SPAG16: variants seen among roughly 807,000 people sequenced by gnomAD.
SPAG16 encodes the protein sperm-associated antigen 16 protein.
In SPAG16, 86 loss-of-function variants were observed where a neutral mutation model predicts 80.4. The observed-to-expected ratio is 1.07, with a 90% CI of 0.90 to 1.28. SPAG16 has a LOEUF of 1.28. SPAG16 is among the 50% of genes most tolerant of loss of function. The pLI is 0.00. For synonymous variants in SPAG16, 294 were observed against 265.9 expected (o/e 1.11, Z -1.03); for missense variants, 870 against 765.3 (o/e 1.14, Z -1.61).
chr2:213,936,215 A>T (rs1306328895), intron 12 of SPAG16, among the ~76,000 whole-genome samples: 1 of 152,194 alleles, frequency 6.6e-6, no homozygotes, highest in Non-Finnish European at 1.5e-5. Context: ...ACTGCTAAGC[A>T]GCAAAGAGGC....
intron 15 of SPAG16, among the ~76,000 whole-genome samples, chr2:214,379,022 C>G (rs1700295149): frequency 6.6e-6 from 1 of 152,190 alleles, no homozygotes; most frequent in Admixed American, 6.5e-5. Context: ...CATCATACCA[C>G]CGTCTGGCTT....
intron 15 of SPAG16, among the ~76,000 whole-genome samples, chr2:214,314,553 C>A (rs6731110): frequency 0.16 from 24,002 of 152,002 alleles, 2,164 homozygotes; most frequent in African/African-American, 0.24. Flanking sequence ...ACTAGAGAAA[C>A]CTTAGGAAAG....
intron 10 of SPAG16, among the ~76,000 whole-genome samples, chr2:213,694,102 C>T (rs1008038353): frequency 6.6e-6 from 1 of 151,592 alleles, no homozygotes; most frequent in African/African-American, 2.4e-5. Flanking sequence ...GACATGGACT[C>T]TCATGTAGAT....
At chr2:213,417,942 C>T (rs1016844906) in intron 9 of SPAG16, among the ~76,000 whole-genome samples, 3 of 150,612 alleles carry the variant, frequency 2.0e-5, no homozygotes, top group African/African-American at 4.9e-5. Flanking sequence ...GGCACGATCT[C>T]GGCTCGCTGC....
rs565046438 is a variant in SPAG16, at chr2:214,194,709, T to C, written c.1720+45443T>C. ...ATTAATAAAATGGCAAAAAGGGATG[T>C]CAGATGCATATAGTAGATCACAAAA... On this transcript the variant is annotated intron_variant, in intron 15 of 15. Coordinates refer to ENST00000331683, the MANE Select transcript of SPAG16 (RefSeq NM_024532.5). Among the ~76,000 whole-genome samples the C allele has an allele frequency of 1.9e-3, 289 of 152,224 alleles. 1 individual carries two copies. Among genetic ancestry groups the C allele is most frequent in the Middle Eastern group, 3.4e-3 (1 of 294 alleles).
intron 8 of SPAG16, among the ~76,000 whole-genome samples, chr2:213,374,332 G>A (rs1011053389): frequency 4.0e-5 from 6 of 151,886 alleles, no homozygotes; most frequent in Non-Finnish European, 5.9e-5. Flanking sequence ...AATTTGTAAC[G>A]TTTAGTTGTT....
intron 7 of SPAG16, among the ~76,000 whole-genome samples, chr2:213,362,318 A>G (rs2066027323): frequency 6.6e-6 from 1 of 152,220 alleles, no homozygotes; most frequent in Non-Finnish European, 1.5e-5. Context: ...CATGTGAGAG[A>G]GTAGACAAAT....
At chr2:213,718,883 G>T (rs1046010839) in intron 10 of SPAG16, among the ~76,000 whole-genome samples, 1 of 152,180 alleles carries the variant, frequency 6.6e-6, no homozygotes, top group Non-Finnish European at 1.5e-5. Flanking sequence ...GCGAGCACAC[G>T]GCGCAGGACT....
chr2:213,836,111 T>A (rs1195985104), intron 10 of SPAG16, among the ~76,000 whole-genome samples: 1 of 151,940 alleles, frequency 6.6e-6, no homozygotes, highest in African/African-American at 2.4e-5. Context: ...CACAATCAAC[T>A]GGTAATACTA....
At chr2:213,548,511 C>T (rs1453599047) in intron 10 of SPAG16, among the ~76,000 whole-genome samples, 4 of 152,166 alleles carry the variant, frequency 2.6e-5, no homozygotes, top group Non-Finnish European at 5.9e-5. Flanking sequence ...GCGCCCGACC[C>T]TTACAGCATT....
intron 10 of SPAG16, among the ~76,000 whole-genome samples, chr2:213,552,398 A>C (rs893088955): frequency 6.6e-6 from 1 of 152,138 alleles, no homozygotes; most frequent in African/African-American, 2.4e-5. Flanking sequence ...AACTGCTAGA[A>C]TTCTATCACT....
chr2:213,973,323 G>A (rs758472257), intron 12 of SPAG16, among the ~76,000 whole-genome samples: 1 of 151,880 alleles, frequency 6.6e-6, no homozygotes, highest in Non-Finnish European at 1.5e-5. Flanking sequence ...TTTTACCTCA[G>A]TTGGCTGCAG....
chr2:213,584,444 G>T (rs2060396635), intron 10 of SPAG16, among the ~76,000 whole-genome samples: 1 of 151,962 alleles, frequency 6.6e-6, no homozygotes. Flanking sequence ...GGAAAGTATT[G>T]TTCTAATATA....
intron 9 of SPAG16, among the ~76,000 whole-genome samples, chr2:213,489,466 T>A (rs1483431807): frequency 6.6e-6 from 1 of 152,150 alleles, no homozygotes. Context: ...TAAGTGTTTT[T>A]AAATTAGTAC....
At chr2:213,552,870 TGC>T (rs1444246885) in intron 10 of SPAG16, among the ~76,000 whole-genome samples, 1 of 152,202 alleles carries the variant, frequency 6.6e-6, no homozygotes, top group Non-Finnish European at 1.5e-5. Context: ...CTTTCTCCCA[TGC>T]TGGATGCTTC....
chr2:213,860,254 A>G (rs1440426836), intron 10 of SPAG16, among the ~76,000 whole-genome samples: 3 of 151,670 alleles, frequency 2.0e-5, no homozygotes, highest in Admixed American at 6.6e-5. Context: ...ATTCCTTTCT[A>G]TATATGCTGA....
intron 10 of SPAG16, among the ~76,000 whole-genome samples, chr2:213,747,166 G>C (rs1038941963): frequency 6.6e-6 from 1 of 152,048 alleles, no homozygotes; most frequent in African/African-American, 2.4e-5. Flanking sequence ...TAACAAAAAA[G>C]TTCAAGCAGT....
intron 10 of SPAG16, among the ~76,000 whole-genome samples, chr2:213,755,348 T>C (rs2068274006): frequency 1.3e-5 from 2 of 152,212 alleles, no homozygotes; most frequent in Admixed American, 6.5e-5. Flanking sequence ...TATCATGTTA[T>C]ATAGAAAATG....
chr2:213,317,287 A>AAAATTGTCAAG lies in SPAG16; in HGVS notation c.467_468insAAATTGTCAAG (p.Ile157AsnfsTer15), dbSNP rs1559403767. On this transcript the variant is annotated frameshift_variant, in exon 5 of 16. Coordinates refer to ENST00000331683, the MANE Select transcript of SPAG16 (RefSeq NM_024532.5). LOFTEE classifies it high-confidence loss of function. ...GGGAATGTTCCAGATGTCTACACCC[A>AAAATTGTCAAG]GATTATGCTTTTGGAAAATGAGAAC... 6.2e-7 allele frequency: 1 copy of AAAATTGTCAAG among 1,611,348 alleles called. No individual in the cohort carries two copies. The highest frequency in any genetic ancestry group is 8.5e-7 in the Non-Finnish European group (1 of 1,178,258).
Sources: allele counts gnomAD v4.1 joint callset (sites outside exome capture counted in the v4.1 genomes callset), GRCh38; gene constraint gnomAD v4.1.1; transcripts MANE v1.5; gene names NCBI Gene and HGNC (gene_info 2026-07-23, HGNC 2026-07-21).